CDKL5: variants seen among roughly 807,000 people sequenced by gnomAD.
CDKL5 encodes the protein cyclin dependent kinase like 5.
Under a neutral mutation model 61.7 loss-of-function variants are expected in CDKL5, and 8 were observed. The ratio of observed to expected loss-of-function variants is 0.13; its 90% CI spans 0.08 to 0.23. CDKL5 has a LOEUF of 0.23. Among genes scored for constraint, CDKL5 ranks in the 10% least tolerant of loss-of-function variants. The probability of loss-of-function intolerance (pLI) is 1.00; values close to 1 mark genes in which losing one functional copy is unlikely to be tolerated. For synonymous variants in CDKL5, 275 were observed against 272.3 expected (o/e 1.01, Z -0.10); for missense variants, 440 against 734.5 (o/e 0.60, Z 4.63).
intron 1 of CDKL5, among the ~76,000 whole-genome samples, chrX:18,444,563 A>G (rs1413013682): frequency 9.0e-6 from 1 of 111,728 alleles, no homozygotes; most frequent in African/African-American, 3.2e-5. Flanking sequence ...TGATCCTCCC[A>G]CCTTGGTCCC....
chrX:18,475,305 G>GT (rs1288211630), intron 1 of CDKL5, among the ~76,000 whole-genome samples: 3 of 102,644 alleles, frequency 2.9e-5, no homozygotes, highest in Non-Finnish European at 6.0e-5. Context: ...TTTCTTCTTT[G>GT]TTTTTTTGAG....
chrX:18,649,811 C>T (rs1443436237), intron 20 of CDKL5, among the ~76,000 whole-genome samples: 3 of 112,014 alleles, frequency 2.7e-5, no homozygotes, highest in Non-Finnish European at 3.8e-5. Context: ...CTCCCCCACC[C>T]GCGACACCCC....
rs766452500 is a variant in CDKL5, at chrX:18,427,716, TA to T, written c.-163+2022del. Among the ~76,000 whole-genome samples the T allele has an allele frequency of 9.2e-4, 103 of 111,913 alleles. 2 individuals are homozygous for T. Among genetic ancestry groups the T allele is most frequent in the African/African-American group, 3.2e-3 (99 of 30,834 alleles). On this transcript the variant is annotated intron_variant, in intron 1 of 17. Transcript: ENST00000623535. ...AATTTTTTAAAATCAAAATCCGATA[TA>T]TTTTTTTTAAATTTGAAATAGAATT... is the stretch of plus-strand genomic sequence containing the variant.
At chrX:18,648,082 A>T (rs183569290) in intron 20 of CDKL5, among the ~76,000 whole-genome samples, 1 of 110,772 alleles carries the variant, frequency 9.0e-6, no homozygotes, top group African/African-American at 3.3e-5. Context: ...CATGCCTGTA[A>T]TCCCAGCTAC....
intron 3 of CDKL5, among the ~76,000 whole-genome samples, chrX:18,542,292 C>T (rs940212922): frequency 9.0e-6 from 1 of 111,677 alleles, no homozygotes; most frequent in Non-Finnish European, 1.9e-5. Context: ...CCACTCCCCA[C>T]GTTGGCCTCC....
intron 15 of CDKL5, among the ~76,000 whole-genome samples, chrX:18,616,365 C>T (rs887097125): frequency 8.1e-5 from 9 of 111,455 alleles, no homozygotes; most frequent in African/African-American, 2.9e-4. Context: ...GTGGCTCACT[C>T]CTGTAATCCC....
intron 17 of CDKL5, chrX:18,627,392 G>T (rs1159250458): frequency 8.9e-6 from 1 of 111,888 alleles, no homozygotes; most frequent in East Asian, 2.8e-4. Context: ...GGCCCCAGAG[G>T]GGTCCCAAGG....
intron 4 of CDKL5, among the ~76,000 whole-genome samples, chrX:18,570,904 T>A (rs1050324521): frequency 6.3e-5 from 7 of 111,701 alleles, no homozygotes; most frequent in South Asian, 3.8e-4. Context: ...TTACTTAACA[T>A]CCTTTTTCCA....
intron 3 of CDKL5, among the ~76,000 whole-genome samples, chrX:18,536,933 A>G (rs751929166): frequency 6.3e-5 from 7 of 110,821 alleles, no homozygotes; most frequent in Non-Finnish European, 1.1e-4. Context: ...AACATTTTTA[A>G]TTATATGTAG....
chrX:18,435,683 C>A (rs928816606), intron 1 of CDKL5, among the ~76,000 whole-genome samples: 10 of 111,683 alleles, frequency 9.0e-5, no homozygotes, highest in Admixed American at 2.9e-4. Flanking sequence ...TTTTGTGCTT[C>A]AGCCTCCCAA....
intron 1 of CDKL5, among the ~76,000 whole-genome samples, chrX:18,471,343 A>G (rs1474505849): frequency 9.1e-6 from 1 of 110,099 alleles, no homozygotes; most frequent in Non-Finnish European, 1.9e-5. Context: ...ATCCAGTTAT[A>G]CTCTTTTAGT....
intron 3 of CDKL5, among the ~76,000 whole-genome samples, chrX:18,559,356 G>A (rs1924712273): frequency 3.6e-5 from 4 of 110,872 alleles, no homozygotes; most frequent in Non-Finnish European, 5.7e-5. Context: ...TTATAGGCAC[G>A]CGCCACCATG....
chrX:18,609,475 A>T lies in CDKL5; in HGVS notation c.2057A>T (p.Tyr686Phe), dbSNP rs2047709269. ...TCTTTCCTGCCTCAGGGTGGAGTGT[A>T]TCATGACCCACACTCTGATGATGGC... Reference protein sequence around the residue: ...HTRQKSEGGVYHDPHSDDGTA... With the variant: ...HTRQKSEGGVFHDPHSDDGTA... Residue 686 changes from tyrosine to phenylalanine, a missense_variant, in exon 14 of 18, where the codon TAT becomes TTT. Around this residue, in one of 2 missense-constraint regions of CDKL5, gnomAD observed 363 missense variants for 516.3 expected, o/e 0.70. Transcript: ENST00000623535. 8.3e-7 allele frequency: 1 copy of T among 1,211,808 alleles called. No homozygotes were observed. Among genetic ancestry groups the T allele is most frequent in the Non-Finnish European group, 1.1e-6 (1 of 895,511 alleles).
rs146253817 is a variant in CDKL5 at position 18,568,977 on chromosome X, G to A, written c.145+4455G>A. On this transcript the variant is annotated intron_variant, in intron 4 of 17. Coordinates refer to ENST00000623535, the MANE Select transcript of CDKL5 (RefSeq NM_001323289.2). ...CCCAAAATGCTGCGATTACAGGCATGAGCCACCAAGCCTTGCCTTTTCGAG... is the reference window on the plus strand; with the variant it reads ...CCCAAAATGCTGCGATTACAGGCATAAGCCACCAAGCCTTGCCTTTTCGAG... Among the ~76,000 whole-genome samples the A allele has an allele frequency of 6.2e-3, 688 of 111,810 alleles. 2 individuals carry two copies. Among genetic ancestry groups the A allele is most frequent in the Non-Finnish European group, 9.7e-3 (514 of 53,160 alleles).
chrX:18,587,496 CA>C (rs1209978457), intron 8 of CDKL5, among the ~76,000 whole-genome samples: 1 of 111,687 alleles, frequency 9.0e-6, no homozygotes, highest in Non-Finnish European at 1.9e-5. Flanking sequence ...GTTAAGGAAA[CA>C]CATAAATCAG....
At chrX:18,445,092 T>G (rs1931843209) in intron 1 of CDKL5, among the ~76,000 whole-genome samples, 1 of 107,088 alleles carries the variant, frequency 9.3e-6, no homozygotes, top group Admixed American at 1.0e-4. Flanking sequence ...TTTTTTTTTT[T>G]TTTGAGACGG....
At chrX:18,469,962 G>A (rs1303545730) in intron 1 of CDKL5, among the ~76,000 whole-genome samples, 1 of 112,022 alleles carries the variant, frequency 8.9e-6, no homozygotes, top group African/African-American at 3.2e-5. Flanking sequence ...GCCACATGTA[G>A]AGAAATGATT....
At chrX:18,539,912 C>G (rs1218262921) in intron 3 of CDKL5, among the ~76,000 whole-genome samples, 1 of 111,448 alleles carries the variant, frequency 9.0e-6, no homozygotes, top group Non-Finnish European at 1.9e-5. Flanking sequence ...AAATCTTACT[C>G]TCCTTTAGAC....
chrX:18,538,784 A>T (rs747889251), intron 3 of CDKL5, among the ~76,000 whole-genome samples: 3 of 112,295 alleles, frequency 2.7e-5, no homozygotes, highest in South Asian at 7.4e-4. Context: ...TAGTTTCTAG[A>T]TGAGACTGTA....
Sources: allele counts gnomAD v4.1 joint callset (sites outside exome capture counted in the v4.1 genomes callset), GRCh38; gene constraint gnomAD v4.1.1; regional missense constraint gnomAD v4.1.1; transcripts MANE v1.5; gene names NCBI Gene and HGNC (gene_info 2026-07-23, HGNC 2026-07-21).